ZPR1: variants seen among roughly 807,000 people sequenced by gnomAD.
The protein encoded by ZPR1 is zinc finger protein ZPR1.
A neutral mutation model predicts 59.6 loss-of-function variants in ZPR1; 37 were observed. That is an observed-to-expected ratio of 0.62 (90% CI 0.48 to 0.82). The LOEUF is 0.82. Among genes scored for constraint, ZPR1 ranks in the 40% least tolerant of loss-of-function variants. The pLI is 0.00. For synonymous variants in ZPR1, 191 were observed against 215.2 expected, an observed-to-expected ratio of 0.89 and a Z score of 0.99; for missense variants, 527 against 579.9, an observed-to-expected ratio of 0.91 and a Z score of 0.94.
rs1361680588 is a variant in ZPR1 at position 116,785,532 on chromosome 11, T to C, written c.687A>G (p.Glu229=). ...ITHYNRTRQQ[E]EMLGLQEEAP... is the part of the protein sequence containing the mutation. ...CACTTACTTGAAGCCCCAGCATCTC[T>C]TCCTGCTGTCGGGTCCGGTTGTAGT... Residue 229 remains glutamate (E), a synonymous_variant, in exon 6 of 14, where the codon GAA becomes GAG. Transcript: ENST00000227322. 1.2e-6 allele frequency: 2 copies of C among 1,613,510 alleles called. No individual in the cohort carries two copies. The highest frequency in any genetic ancestry group is 1.7e-5 in the Admixed American group (1 of 59,988).
intron 10 of ZPR1, 119 bp from the exon 11 acceptor site, chr11:116,783,148 T>G (rs1591308614): frequency 2.8e-6 from 2 of 707,900 alleles, no homozygotes; most frequent in East Asian, 2.7e-5. Flanking sequence ...TGTCTCAGTT[T>G]TCTCTGACTC....
rs1188632634 is a variant in ZPR1 at position 116,787,515 on chromosome 11, T to C, written c.300A>G (p.Gly100=). ...IQSAGRIQDQ[G]VRYTLSVRAL... ...CCCTGACAGACAAAGTGTAGCGCAC[T>C]CCCTGGTCCTGGATCCTGCCTGCCG... is the stretch of plus-strand genomic sequence containing the variant. Residue 100 remains glycine, a synonymous_variant, in exon 2 of 14, where the codon GGA becomes GGG. Coordinates refer to ENST00000227322, the MANE Select transcript of ZPR1 (RefSeq NM_003904.5). The C allele has an allele frequency of 1.9e-6, 3 of 1,614,136 alleles. No individual in the cohort carries two copies. The highest frequency in any genetic ancestry group is 2.5e-6 in the Non-Finnish European group (3 of 1,180,006).
At position 116,787,919 on chromosome 11, in the gene ZPR1, C is replaced by T; in HGVS notation, c.72G>A (p.Pro24=). 2 of 1,499,370 alleles carry T rather than the reference C, an allele frequency of 1.3e-6. No individual in the cohort carries two copies. The highest frequency in any genetic ancestry group is 2.7e-5 in the East Asian group (1 of 37,462). 92.9% of individuals were successfully genotyped at this position (1,499,370 alleles called of 1,614,324 possible). The change falls in exon 1 of 14, where the codon CCG becomes CCA. Residue 24 remains proline (P), a synonymous_variant. Coordinates refer to ENST00000227322, the MANE Select transcript of ZPR1 (RefSeq NM_003904.5). The part of the protein sequence containing the change: ...AAVAPSPAPA[P]PPAPDHLFRP... ...GGAACAGGTGATCAGGGGCAGGCGG[C>T]GGGGCCGGGGCGGGCGACGGGGCGA...
chr11:116,787,835 C>A lies in ZPR1; in HGVS notation c.156G>T (p.Met52Ile). The A allele has an allele frequency of 6.4e-7, 1 of 1,558,270 alleles. No homozygotes were observed. Among genetic ancestry groups the A allele is most frequent in the Non-Finnish European group, 8.7e-7 (1 of 1,152,516 alleles). ...QQPTEIESLCMNCYCNGMTRL... is the reference protein window; with the variant it reads ...QQPTEIESLCINCYCNGMTRL... The stretch of plus-strand genomic sequence containing the variant: ...CCCGCCTCACATTGCAGTAACAGTT[C>A]ATGCATAGCGACTCGATCTCGGTGG... Residue 52 changes from methionine to isoleucine, a missense_variant, in exon 1 of 14, where the codon ATG becomes ATT. Met to Ile is a conservative substitution (Grantham distance 10). Transcript: ENST00000227322.
chr11:116,783,915 A>G (rs1329414199), intron 9 of ZPR1, among the ~76,000 whole-genome samples: 1 of 151,060 alleles, frequency 6.6e-6, no homozygotes, highest in Non-Finnish European at 1.5e-5. Context: ...TTAAGCATTT[A>G]TTGCAGTCCT....
At chr11:116,779,352 T>A (rs1250062307) in intron 13 of ZPR1, among the ~76,000 whole-genome samples, 1 of 151,928 alleles carries the variant, frequency 6.6e-6, no homozygotes, top group African/African-American at 2.4e-5. Flanking sequence ...CTTAGAAGAG[T>A]TTTGCCTGAC....
In ZPR1 at chr11:116,785,568, C is replaced by G. The variant is rs145691328; in HGVS notation, c.651G>C (p.Leu217=). 11 of 1,614,164 alleles carry G rather than the reference C, an allele frequency of 6.8e-6. No individual in the cohort carries two copies. The African/African-American group carries it at 1.2e-4, about 18-fold the overall frequency. The change falls in exon 6 of 14, where the codon CTG becomes CTC. Residue 217 remains leucine (L), a synonymous_variant. Transcript: ENST00000227322. ...NPHAPQKDDA[L]VITHYNRTRQ... ...GGGTCCGGTTGTAGTGTGTGATCAC[C>G]AGGGCATCATCTTTCTGAGGAGCAT...
chr11:116,787,796 C>G, intron 1 of ZPR1, 24 bp downstream of exon 1: 1 of 1,541,164 alleles, frequency 6.5e-7, no homozygotes, highest in African/African-American at 1.4e-5. Flanking sequence ...CCACCCGCCG[C>G]TCGCGGCCGC....
At position 116,784,952 on chromosome 11, in the gene ZPR1, C is replaced by T. The variant is rs372951194; in HGVS notation, c.754-31G>A. 19 of 1,613,258 alleles carry T rather than the reference C, an allele frequency of 1.2e-5. No individual in the cohort carries two copies. The African/African-American group carries it at 2.4e-4, about 20-fold the overall frequency. The stretch of plus-strand genomic sequence containing the variant: ...ACACAACATGAGGACAAAGGGTGAG[C>T]CCTCCCAGATGGGATGTTCAGGCTA... On this transcript the variant is annotated intron_variant, in intron 7 of 13. Transcript: ENST00000227322.
rs557719131 is a variant in ZPR1, at chr11:116,786,479, T to C, written c.495+32A>G. On this transcript the variant is annotated intron_variant, in intron 4 of 13. Coordinates refer to ENST00000227322, the MANE Select transcript of ZPR1 (RefSeq NM_003904.5). ...ACACTCTATATAAGCAATTATTCCT[T>C]GAGCTGCTACAATCAGAAAACCCCA... 23 of 1,613,602 alleles carry C rather than the reference T, an allele frequency of 1.4e-5. No individual in the cohort carries two copies. In the East Asian group the frequency reaches 4.7e-4, roughly 33 times the overall value.
chr11:116,786,826 A>C, intron 3 of ZPR1, 143 bp downstream of exon 3: 1 of 767,696 alleles, frequency 1.3e-6, no homozygotes. Flanking sequence ...CTTTCCACTC[A>C]TGATTAACTA....
Position 116,783,038 on chromosome 11 carries a change from T to C in ZPR1, c.982-9A>G. On this transcript the variant is annotated splice_polypyrimidine_tract_variant and intron_variant, in intron 10 of 13. Transcript: ENST00000227322. ...ACACTGCAAGTCTCAGACTGTGAAATGAGAGGTCAGTTTAAGCTTTAAGTC... is the reference window on the plus strand; with the variant it reads ...ACACTGCAAGTCTCAGACTGTGAAACGAGAGGTCAGTTTAAGCTTTAAGTC... 1 of 1,610,116 alleles carries C rather than the reference T, an allele frequency of 6.2e-7. No individual in the cohort carries two copies. The highest frequency in any genetic ancestry group is 8.5e-7 in the Non-Finnish European group (1 of 1,176,330).
rs1940832217 is a variant in ZPR1 at position 116,783,021 on chromosome 11, A to G, written c.990T>C (p.Thr330=). 1 of 1,613,920 alleles carries G rather than the reference A, an allele frequency of 6.2e-7. No individual in the cohort carries two copies. The highest frequency in any genetic ancestry group is 1.1e-5 in the South Asian group (1 of 91,076). Residue 330 remains threonine, a synonymous_variant, in exon 11 of 14, where the codon ACT becomes ACC. Transcript: ENST00000227322. The part of the protein sequence containing the change: ...DMTRDLLKSE[T]CSVEIPELEF... ...CTAGCTCTGGGATTTCCACACTGCAAGTCTCAGACTGTGAAATGAGAGGTC... is the reference window on the plus strand; with the variant it reads ...CTAGCTCTGGGATTTCCACACTGCAGGTCTCAGACTGTGAAATGAGAGGTC...
intron 8 of ZPR1, 134 bp downstream of exon 8, chr11:116,784,721 C>T: frequency 9.9e-7 from 1 of 1,006,760 alleles, no homozygotes; most frequent in South Asian, 1.4e-5. Context: ...GGTACACAGT[C>T]TAATCAAAGA....
At chr11:116,780,775 T>G (rs1424511632) in intron 12 of ZPR1, among the ~76,000 whole-genome samples, 3 of 152,112 alleles carry the variant, frequency 2.0e-5, no homozygotes, top group Non-Finnish European at 2.9e-5. Context: ...CCTACTCAGG[T>G]CTTTAGCCCG....
intron 11 of ZPR1, among the ~76,000 whole-genome samples, chr11:116,782,482 G>T (rs556838436): frequency 6.6e-6 from 1 of 152,190 alleles, no homozygotes; most frequent in East Asian, 1.9e-4. Flanking sequence ...TATGATCTCT[G>T]ATACTAATTT....
Position 116,787,002 on chromosome 11 carries a change from C to G in ZPR1, c.391G>C (p.Asp131His). Residue 131 changes from aspartate (D) to histidine (H), a missense_variant, in exon 3 of 14, where the codon GAT (aspartate) becomes CAT (histidine). By Grantham distance (81) the Asp-to-His change is moderately conservative. Transcript: ENST00000227322. ...TGGCTAAAGGCAGGAATTTCAAAAT[C>G]TAGCTCAGGAATCCTTGTGGCAGCA... The part of the protein sequence containing the change: ...DSAATRIPEL[D>H]FEIPAFSQKG... The G allele has an allele frequency of 6.2e-7, 1 of 1,614,238 alleles. No homozygotes were observed.
rs1292119013 is a variant in ZPR1 at position 116,774,212 on chromosome 11, T to C, written c.*4713A>G. 6.6e-6 allele frequency: 1 copy of C among 152,218 alleles called. No individual in the cohort carries two copies. The highest frequency in any genetic ancestry group is 2.4e-5 in the African/African-American group (1 of 41,456). The allele number at this position is 152,218 out of a possible 1,614,324, so 9.4% of individuals were successfully genotyped here. ...GTAAAACATCCTTCACTAATTTATG[T>C]AGTAGTTCGGTGGGGGGGCACTTAA... is the stretch of plus-strand genomic sequence containing the variant. On this transcript the variant is annotated 3_prime_UTR_variant, in exon 14 of 14. Transcript: ENST00000227322.
chr11:116,777,089 G>A lies in ZPR1; in HGVS notation c.*1836C>T, dbSNP rs1453550698. ...AAGATGCCAAAGAATCTGATATGGA[G>A]AGATGTCTGAAAGCAGAACTCTCAG... On this transcript the variant is annotated 3_prime_UTR_variant, in exon 14 of 14. Transcript: ENST00000227322. The A allele has an allele frequency of 6.6e-6, 1 of 152,224 alleles. No individual in the cohort carries two copies. The highest frequency in any genetic ancestry group is 1.5e-5 in the Non-Finnish European group (1 of 68,050). 9.4% of individuals were successfully genotyped at this position (152,224 alleles called of 1,614,324 possible).
Sources: gnomAD v4.1 joint callset for allele counts (sites outside exome capture counted in the v4.1 genomes callset) on GRCh38, gnomAD v4.1.1 for gene constraint, MANE v1.5 for transcripts, NCBI Gene and HGNC (gene_info 2026-07-23, HGNC 2026-07-21) for gene names.